CARMIL1: variants seen among roughly 807,000 people sequenced by gnomAD.
CARMIL1 encodes the protein F-actin-uncapping protein LRRC16A.
CARMIL1 carries 90 observed loss-of-function variants against 177.1 expected under a neutral mutation model. That is an observed-to-expected ratio of 0.51 (90% CI 0.43 to 0.61). The LOEUF (loss-of-function observed/expected upper bound fraction) is 0.61. Ranked by LOEUF, CARMIL1 falls within the 20% of genes least tolerant of loss-of-function variation. CARMIL1 has a pLI of 0.00. For synonymous variants in CARMIL1, 577 were observed against 606.2 expected, an observed-to-expected ratio of 0.95 and a Z score of 0.71; for missense variants, 1,380 against 1,667.0, an observed-to-expected ratio of 0.83 and a Z score of 3.00.
intron 27 of CARMIL1, among the ~76,000 whole-genome samples, chr6:25,551,530 G>T (rs558486804): frequency 6.6e-6 from 1 of 152,080 alleles, no homozygotes; most frequent in African/African-American, 2.4e-5. Flanking sequence ...TATTTTGGTG[G>T]GTCTGTAATA....
intron 2 of CARMIL1, among the ~76,000 whole-genome samples, chr6:25,356,050 CTTTTTTTT>C (rs5875031): frequency 8.3e-6 from 1 of 120,336 alleles, no homozygotes; most frequent in Non-Finnish European, 1.8e-5. Context: ...TCTAAGACTT[CTTTTTTTT>C]TTTTTTTTTT....
intron 3 of CARMIL1, among the ~76,000 whole-genome samples, chr6:25,422,646 A>T (rs1795957828): frequency 6.6e-6 from 1 of 152,214 alleles, no homozygotes; most frequent in Non-Finnish European, 1.5e-5. Context: ...TGAAGGCATG[A>T]TATGAGGACT....
chr6:25,381,169 A>C (rs1368035218), intron 2 of CARMIL1, among the ~76,000 whole-genome samples: 1 of 152,232 alleles, frequency 6.6e-6, no homozygotes, highest in Non-Finnish European at 1.5e-5. Flanking sequence ...TCTGCCTATC[A>C]AATTATAAAC....
chr6:25,598,337 C>T (rs2151301376), intron 32 of CARMIL1, among the ~76,000 whole-genome samples: 1 of 152,186 alleles, frequency 6.6e-6, no homozygotes, highest in Admixed American at 6.5e-5. Flanking sequence ...CTTCCAGGCT[C>T]AGGTGATACT....
chr6:25,293,142 A>G (rs1234937546), intron 2 of CARMIL1, among the ~76,000 whole-genome samples: 3 of 150,894 alleles, frequency 2.0e-5, no homozygotes, highest in East Asian at 3.9e-4. Flanking sequence ...ATTGGTATAT[A>G]TGGGGTATAT....
chr6:25,491,877 G>C, intron 14 of CARMIL1, 68 bp downstream of exon 14: 1 of 1,533,246 alleles, frequency 6.5e-7, no homozygotes, highest in Non-Finnish European at 9.0e-7. Context: ...TGGGATGTAG[G>C]GGACCTCTAA....
At chr6:25,571,597 T>G (rs1396913078) in intron 29 of CARMIL1, among the ~76,000 whole-genome samples, 2 of 152,190 alleles carry the variant, frequency 1.3e-5, no homozygotes, top group Non-Finnish European at 2.9e-5. Flanking sequence ...AATTAGTACT[T>G]TACAATTAGT....
rs1362978612 is a variant in CARMIL1, at chr6:25,586,923, C to G, written c.3006+5484C>G. On this transcript the variant is annotated intron_variant, in intron 31 of 36. Coordinates refer to ENST00000329474, the MANE Select transcript of CARMIL1 (RefSeq NM_017640.6). Reference sequence around the variant, plus strand: ...GCAGCAGTACAGTCCAGCCTCGGCTCGGCATCAGATAGAGACCGTGGAGAG... The same window carrying G: ...GCAGCAGTACAGTCCAGCCTCGGCTGGGCATCAGATAGAGACCGTGGAGAG... 4.0e-5 allele frequency among the ~76,000 whole-genome samples: 6 copies of G among 151,026 alleles called. No individual in the cohort carries two copies. The East Asian group carries it at 9.8e-4, about 25-fold the overall frequency.
At chr6:25,459,275 T>TCTTTCTTTCTCTTTCTTTCTTTCTTTC in intron 8 of CARMIL1, among the ~76,000 whole-genome samples, 1 of 141,518 alleles carries the variant, frequency 7.1e-6, no homozygotes, top group Admixed American at 7.6e-5. Context: ...TCTTTTTTTT[T>TCTTTCTTTCTCTTTCTTTCTTTCTTTC]TTTTTAAGAC....
chr6:25,468,232 A>G (rs1239689599), intron 9 of CARMIL1, among the ~76,000 whole-genome samples: 1 of 152,006 alleles, frequency 6.6e-6, no homozygotes, highest in Non-Finnish European at 1.5e-5. Flanking sequence ...ATATGCAATT[A>G]GGACCATGTT....
Position 25,513,011 on chromosome 6 carries a change from A to G in CARMIL1, c.1632+2249A>G, listed in dbSNP as rs1805608047. Among the ~76,000 whole-genome samples the G allele has an allele frequency of 2.6e-5, 4 of 152,202 alleles. No individual in the cohort carries two copies. In the South Asian group the frequency reaches 6.2e-4, roughly 24 times the overall value. ...AGAAGGGATGACCTTATAAATATGC[A>G]CGCAATTCAGGCTGGTCTGTTTGCA... On this transcript the variant is annotated intron_variant, in intron 20 of 36. Transcript: ENST00000329474.
At chr6:25,535,881 G>A (rs1808249562) in intron 24 of CARMIL1, among the ~76,000 whole-genome samples, 1 of 152,174 alleles carries the variant, frequency 6.6e-6, no homozygotes, top group Non-Finnish European at 1.5e-5. Context: ...TATGCTCAGA[G>A]GAATCTTGGA....
At position 25,502,657 on chromosome 6, in the gene CARMIL1, C is replaced by T. The variant is rs542605415; in HGVS notation, c.1395+2422C>T. Among the ~76,000 whole-genome samples the T allele has an allele frequency of 8.5e-5, 13 of 152,074 alleles. No homozygotes were observed. The East Asian group carries it at 2.1e-3, about 25-fold the overall frequency. On this transcript the variant is annotated intron_variant, in intron 17 of 36. Coordinates refer to ENST00000329474, the MANE Select transcript of CARMIL1 (RefSeq NM_017640.6). Reference sequence around the variant, plus strand: ...TGGTTTTACAATCCTGATTAAATATCGTGACTGCCAGCAGTCTAACATCTT... The same window carrying T: ...TGGTTTTACAATCCTGATTAAATATTGTGACTGCCAGCAGTCTAACATCTT...
At chr6:25,314,494 T>G (rs12183257) in intron 2 of CARMIL1, among the ~76,000 whole-genome samples, 1 of 129,054 alleles carries the variant, frequency 7.7e-6, no homozygotes, top group African/African-American at 3.4e-5. Flanking sequence ...AAATTATATA[T>G]ATACACACCC....
chr6:25,450,462 C>A, intron 7 of CARMIL1, 53 bp downstream of exon 7: 2 of 1,443,028 alleles, frequency 1.4e-6, no homozygotes, highest in South Asian at 1.2e-5. Context: ...GGAGAATATT[C>A]TAATGTTTGG....
At chr6:25,349,456 G>A (rs1434849592) in intron 2 of CARMIL1, among the ~76,000 whole-genome samples, 1 of 152,204 alleles carries the variant, frequency 6.6e-6, no homozygotes, top group Non-Finnish European at 1.5e-5. Context: ...TGTTGGGACT[G>A]GGAGACATTC....
chr6:25,515,566 C>A lies in CARMIL1; in HGVS notation c.1633-109C>A. 9.9e-7 allele frequency: 1 copy of A among 1,005,030 alleles called. No individual in the cohort carries two copies. The highest frequency in any genetic ancestry group is 1.4e-6 in the Non-Finnish European group (1 of 711,626). The allele number at this position is 1,005,030 out of a possible 1,614,324, so 62.3% of individuals were successfully genotyped here. On this transcript the variant is annotated intron_variant, in intron 20 of 36. Transcript: ENST00000329474. This position sits in a 1 kb window ranked among gnomAD's most constrained non-coding sequence, Gnocchi z 5.0. ...GTCTTTTAGGTAGTAGTTCTAAAAT[C>A]AGACACGTGCAGTAGGTCCATCCCC...
intron 2 of CARMIL1, chr6:25,369,974 T>C (rs1790244109): frequency 6.6e-6 from 1 of 152,300 alleles, no homozygotes; most frequent in Non-Finnish European, 1.5e-5. Context: ...CTAATGACGG[T>C]GCTTCTACTC....
At chr6:25,453,649 C>T (rs1386598079) in intron 8 of CARMIL1, among the ~76,000 whole-genome samples, 1 of 152,212 alleles carries the variant, frequency 6.6e-6, no homozygotes, top group Non-Finnish European at 1.5e-5. Flanking sequence ...AAGACTCCCG[C>T]CTTGGCTTGT....
Sources: gnomAD v4.1 joint callset for allele counts (sites outside exome capture counted in the v4.1 genomes callset) on GRCh38, gnomAD v4.1.1 for gene constraint, Gnocchi (gnomAD v3.1) non-coding constraint, MANE v1.5 for transcripts, NCBI Gene and HGNC (gene_info 2026-07-23, HGNC 2026-07-21) for gene names.